COX7B2: variants seen among roughly 807,000 people sequenced by gnomAD.
The protein encoded by COX7B2 is cytochrome c oxidase subunit 7B2, mitochondrial.
For missense variants in COX7B2, 109 were observed against 95.9 expected (o/e 1.14, Z -0.57); for synonymous variants, 37 against 32.1 (o/e 1.15, Z -0.51).
In COX7B2 at chr4:46,774,180, C is replaced by T. The variant is rs1717033310; in HGVS notation, c.-49-38939G>A. Reference sequence around the variant, plus strand: ...CTGTTATTCCCTTTCTGGAAAGTGCCCCCAAGTTTGCAAGTGTTTATCTTA... The same window carrying T: ...CTGTTATTCCCTTTCTGGAAAGTGCTCCCAAGTTTGCAAGTGTTTATCTTA... On this transcript the variant is annotated intron_variant, in intron 2 of 2. Coordinates refer to ENST00000355591, the MANE Select transcript of COX7B2 (RefSeq NM_130902.3). 2.7e-5 allele frequency among the ~76,000 whole-genome samples: 4 copies of T among 148,680 alleles called. No individual in the cohort carries two copies. The South Asian group carries it at 6.3e-4, about 23-fold the overall frequency.
intron 2 of COX7B2, among the ~76,000 whole-genome samples, chr4:46,825,050 G>C (rs186116652): frequency 4.0e-4 from 61 of 151,230 alleles, no homozygotes; most frequent in African/African-American, 1.4e-3. Flanking sequence ...TCAGGCAAGA[G>C]AAAAAAAATA....
chr4:46,838,223 C>T (rs1344783409), intron 2 of COX7B2, among the ~76,000 whole-genome samples: 1 of 151,878 alleles, frequency 6.6e-6, no homozygotes, highest in South Asian at 2.1e-4. Context: ...AATAATTATG[C>T]TGCCTCATAG....
intron 2 of COX7B2, among the ~76,000 whole-genome samples, chr4:46,800,437 T>C (rs148406825): frequency 6.6e-5 from 10 of 151,870 alleles, no homozygotes; most frequent in African/African-American, 1.2e-4. Flanking sequence ...TGGGAAAGAT[T>C]AGACGACCAC....
chr4:46,743,377 C>T (rs547017230), intron 2 of COX7B2, among the ~76,000 whole-genome samples: 65 of 152,212 alleles, frequency 4.3e-4, no homozygotes, highest in Admixed American at 4.0e-3. Context: ...GAGAATCTGT[C>T]TCATGCTAAT....
At chr4:46,780,522 G>GA (rs1229880974) in intron 2 of COX7B2, among the ~76,000 whole-genome samples, 4 of 151,618 alleles carry the variant, frequency 2.6e-5, no homozygotes, top group Admixed American at 6.6e-5. Flanking sequence ...GTCTCAAAAA[G>GA]AAAAAACAAA....
At chr4:46,782,581 C>G (rs1020447943) in intron 2 of COX7B2, among the ~76,000 whole-genome samples, 1 of 152,152 alleles carries the variant, frequency 6.6e-6, no homozygotes, top group Non-Finnish European at 1.5e-5. Flanking sequence ...CCACTTGGGT[C>G]TCCTTCCAGG....
intron 2 of COX7B2, among the ~76,000 whole-genome samples, chr4:46,787,469 A>T (rs1231254337): frequency 2.0e-5 from 3 of 152,266 alleles, no homozygotes; most frequent in Middle Eastern, 6.8e-3. Flanking sequence ...AATAAAAAAA[A>T]AAGATACATG....
chr4:46,832,734 T>C (rs1008677130), intron 2 of COX7B2, among the ~76,000 whole-genome samples: 4 of 152,082 alleles, frequency 2.6e-5, no homozygotes, highest in Non-Finnish European at 4.4e-5. Context: ...TCACTTAAGA[T>C]ATGGTTGTTC....
chr4:46,802,295 T>G (rs1486018382), intron 2 of COX7B2, among the ~76,000 whole-genome samples: 1 of 152,110 alleles, frequency 6.6e-6, no homozygotes, highest in Non-Finnish European at 1.5e-5. Flanking sequence ...CATGTTTCAC[T>G]GGAAAGGCTA....
intron 1 of COX7B2, among the ~76,000 whole-genome samples, chr4:46,884,420 G>A (rs1447452379): frequency 6.6e-6 from 1 of 152,166 alleles, no homozygotes; most frequent in Admixed American, 6.5e-5. Flanking sequence ...CTGATTAATA[G>A]AAGGTTCCAA....
chr4:46,840,638 T>C (rs1050373552), intron 2 of COX7B2, among the ~76,000 whole-genome samples: 1 of 152,044 alleles, frequency 6.6e-6, no homozygotes, highest in Non-Finnish European at 1.5e-5. Flanking sequence ...TAATACAACG[T>C]CTTTATATTT....
chr4:46,848,411 T>C (rs1420529223), intron 1 of COX7B2, among the ~76,000 whole-genome samples: 3 of 152,088 alleles, frequency 2.0e-5, no homozygotes, highest in Non-Finnish European at 4.4e-5. Flanking sequence ...TATAGCTCAG[T>C]GAAAAAAGCT....
At chr4:46,826,394 T>C (rs970171045) in intron 2 of COX7B2, among the ~76,000 whole-genome samples, 5 of 152,024 alleles carry the variant, frequency 3.3e-5, no homozygotes, top group African/African-American at 1.2e-4. Context: ...GTTGTGGAGA[T>C]AAGGAAATGC....
intron 1 of COX7B2, among the ~76,000 whole-genome samples, chr4:46,874,359 A>T (rs1024420067): frequency 6.6e-6 from 1 of 152,248 alleles, no homozygotes; most frequent in African/African-American, 2.4e-5. Flanking sequence ...CGCAGTGAAG[A>T]TACAAGAGGT....
chr4:46,898,288 A>C (rs1375335269), intron 1 of COX7B2, among the ~76,000 whole-genome samples: 1 of 152,138 alleles, frequency 6.6e-6, no homozygotes, highest in Non-Finnish European at 1.5e-5. Flanking sequence ...GTCTACAAGA[A>C]CTTTGGACTC....
At chr4:46,870,894 T>C (rs953657311) in intron 1 of COX7B2, among the ~76,000 whole-genome samples, 2 of 151,886 alleles carry the variant, frequency 1.3e-5, no homozygotes, top group East Asian at 1.9e-4. Flanking sequence ...ATCATATCAT[T>C]AAAATGACCA....
chr4:46,877,779 T>C (rs904107965), intron 1 of COX7B2, among the ~76,000 whole-genome samples: 2 of 150,082 alleles, frequency 1.3e-5, no homozygotes, highest in Non-Finnish European at 3.0e-5. Flanking sequence ...ACACTGTTTG[T>C]GGGAATGTAA....
chr4:46,784,731 C>T (rs1481016532), intron 2 of COX7B2, among the ~76,000 whole-genome samples: 1 of 152,226 alleles, frequency 6.6e-6, no homozygotes, highest in African/African-American at 2.4e-5. Context: ...AGAAGGATCA[C>T]TTTTGCAAAG....
chr4:46,902,032 T>C (rs1033685538), intron 1 of COX7B2, among the ~76,000 whole-genome samples: 1 of 152,202 alleles, frequency 6.6e-6, no homozygotes, highest in African/African-American at 2.4e-5. Context: ...TCTCTTCTTA[T>C]TCCTATATCT....
Sources: allele counts gnomAD v4.1 joint callset (sites outside exome capture counted in the v4.1 genomes callset), GRCh38; gene constraint gnomAD v4.1.1; transcripts MANE v1.5; gene names NCBI Gene and HGNC (gene_info 2026-07-23, HGNC 2026-07-21).